SLFN12L: variants seen among roughly 807,000 people sequenced by gnomAD.
The protein encoded by SLFN12L is schlafen family member 12 like.
SLFN12L carries 34 observed loss-of-function variants against 34.8 expected under a neutral mutation model. The observed-to-expected ratio is 0.98, with a 90% CI of 0.74 to 1.30. The LOEUF is 1.30. SLFN12L is among the 50% of genes most tolerant of loss of function. SLFN12L has a pLI of 0.00. For missense variants in SLFN12L, 703 were observed against 696.2 expected (o/e 1.01, Z -0.11); for synonymous variants, 259 against 247.5 (o/e 1.05, Z -0.44).
At chr17:35,483,511 C>G (rs1309080579) in intron 2 of SLFN12L, among the ~76,000 whole-genome samples, 1 of 152,160 alleles carries the variant, frequency 6.6e-6, no homozygotes, top group Non-Finnish European at 1.5e-5. Context: ...CACCAGAATC[C>G]AATGATGCTG....
intron 2 of SLFN12L, among the ~76,000 whole-genome samples, chr17:35,501,598 T>G (rs1047844551): frequency 2.8e-4 from 42 of 152,290 alleles, no homozygotes; most frequent in African/African-American, 9.9e-4. Flanking sequence ...GGTGTGAGTG[T>G]GGTGTTTTGT....
Position 35,475,057 on chromosome 17 carries a change from T to C in SLFN12L, c.1705A>G (p.Thr569Ala). ...TCCAAGTCTTTCATTGTTTGAGCTG[T>C]TGTCCAATAGTAGGATTCAGGGTAA... The part of the protein sequence containing the change: ...VIYPESYYWT[T>A]AQTMKDLEKA... The change falls in exon 5 of 5, where the codon ACA becomes GCA. Residue 569 changes from threonine to alanine, a missense_variant. Coordinates refer to ENST00000628453, the MANE Select transcript of SLFN12L (RefSeq NM_001363830.2). 1.2e-6 allele frequency: 2 copies of C among 1,613,514 alleles called. No individual in the cohort carries two copies. The highest frequency in any genetic ancestry group is 8.5e-7 in the Non-Finnish European group (1 of 1,179,620).
At chr17:35,502,151 A>T (rs201317188) in intron 2 of SLFN12L, among the ~76,000 whole-genome samples, 15,693 of 152,084 alleles carry the variant, frequency 0.1, 861 homozygotes, top group East Asian at 0.21. Context: ...AAGCCAAGGT[A>T]AATTTAAAAC....
intron 2 of SLFN12L, among the ~76,000 whole-genome samples, chr17:35,482,408 C>A (rs1914379113): frequency 6.6e-6 from 1 of 152,230 alleles, no homozygotes; most frequent in Non-Finnish European, 1.5e-5. Context: ...TGCACACTTT[C>A]TGGAGCCCGT....
intron 2 of SLFN12L, among the ~76,000 whole-genome samples, chr17:35,481,858 T>C (rs138730417): frequency 0.011 from 1,641 of 152,270 alleles, 32 homozygotes; most frequent in African/African-American, 0.037. Context: ...TGTTTGTTTT[T>C]TGTTTTTGTT....
chr17:35,481,351 G>A (rs765202214), intron 2 of SLFN12L, among the ~76,000 whole-genome samples: 2 of 152,230 alleles, frequency 1.3e-5, no homozygotes, highest in Admixed American at 1.3e-4. Flanking sequence ...AGGCCTAACC[G>A]TCTCCCTGTG....
rs183585001 is a variant in SLFN12L at position 35,522,431 on chromosome 17, G to T, written c.-67C>A. 6.2e-7 allele frequency: 1 copy of T among 1,614,132 alleles called. No individual in the cohort carries two copies. Among genetic ancestry groups the T allele is most frequent in the Admixed American group, 1.7e-5 (1 of 60,018 alleles). On this transcript the variant is annotated 5_prime_UTR_variant, in exon 2 of 5. Transcript: ENST00000628453. ...CATGGACAAACAATTCTCTGTTCTT[G>T]TGGAAGCTTCTGGAGAATATCTCAT...
At chr17:35,534,651 C>T (rs1295779123) in intron 1 of SLFN12L, among the ~76,000 whole-genome samples, 2 of 151,578 alleles carry the variant, frequency 1.3e-5, no homozygotes, top group African/African-American at 4.9e-5. Flanking sequence ...GAATTCATGT[C>T]TATTATTTCA....
chr17:35,510,192 T>C (rs1915593781), intron 2 of SLFN12L: 1 of 152,188 alleles, frequency 6.6e-6, no homozygotes, highest in African/African-American at 2.4e-5. Flanking sequence ...CATAAATCAG[T>C]GGATACAATA....
intron 1 of SLFN12L, among the ~76,000 whole-genome samples, chr17:35,535,650 C>A (rs2072453609): frequency 6.6e-6 from 1 of 151,834 alleles, no homozygotes; most frequent in Non-Finnish European, 1.5e-5. Context: ...CCATGCCTGG[C>A]TAGCTTTTTT....
intron 2 of SLFN12L, among the ~76,000 whole-genome samples, chr17:35,508,138 T>C (rs1197218057): frequency 6.6e-6 from 1 of 152,198 alleles, no homozygotes; most frequent in Non-Finnish European, 1.5e-5. Context: ...TCCGTTCTGA[T>C]TACTGGTGCA....
chr17:35,475,495 G>A lies in SLFN12L; in HGVS notation c.1277-10C>T. 1.3e-6 allele frequency: 2 copies of A among 1,563,912 alleles called. No homozygotes were observed. ...ATCTTTTCTGATAGCCCTAGATGGG[G>A]AAATAATGATAAATTATAAAAGACT... On this transcript the variant is annotated splice_polypyrimidine_tract_variant and intron_variant, in intron 4 of 4. Transcript: ENST00000628453.
rs1913713550 is a variant in SLFN12L at position 35,465,888 on chromosome 17, G to A, written c.*9035C>T. 6.6e-6 allele frequency among the ~76,000 whole-genome samples: 1 copy of A among 151,620 alleles called. No individual in the cohort carries two copies. The highest frequency in any genetic ancestry group is 1.5e-5 in the Non-Finnish European group (1 of 67,950). ...ATTTCAACAGACTCCACTGTAGTTT[G>A]CCTCCATTGCTGAAGAGACACAATA... is the stretch of plus-strand genomic sequence containing the variant. On this transcript the variant is annotated 3_prime_UTR_variant, in exon 5 of 5. Coordinates refer to ENST00000628453, the MANE Select transcript of SLFN12L (RefSeq NM_001363830.2).
Position 35,480,019 on chromosome 17 carries a change from C to G in SLFN12L, c.263G>C (p.Arg88Pro). 6.2e-7 allele frequency: 1 copy of G among 1,614,164 alleles called. No individual in the cohort carries two copies. Among genetic ancestry groups the G allele is most frequent in the Non-Finnish European group, 8.5e-7 (1 of 1,180,032 alleles). Residue 88 changes from arginine to proline, a missense_variant, in exon 3 of 5, where the codon CGA becomes CCA. Physicochemically the swap from Arg to Pro is moderately radical, Grantham distance 103 (BLOSUM62 -2). Transcript: ENST00000628453. ...AGAATTCAGCAGAGCACACACAGCT[C>G]GTGAGACATTTTCATTCTGCTGTTT... is the stretch of plus-strand genomic sequence containing the variant. ...LRKQQNENVS[R>P]AVCALLNSGG...
At chr17:35,502,554 C>T (rs1338256439) in intron 2 of SLFN12L, among the ~76,000 whole-genome samples, 3 of 151,684 alleles carry the variant, frequency 2.0e-5, no homozygotes, top group African/African-American at 2.4e-5. Flanking sequence ...GGAGGAACTC[C>T]CTTCAGGACA....
intron 2 of SLFN12L, chr17:35,491,187 T>C: frequency 1.1e-6 from 1 of 923,372 alleles, no homozygotes; most frequent in Non-Finnish European, 1.7e-6. Flanking sequence ...GCGATCTCTT[T>C]GATGCCTATG....
intron 2 of SLFN12L, among the ~76,000 whole-genome samples, chr17:35,505,297 TGGA>T (rs1173824156): frequency 2.6e-5 from 4 of 152,192 alleles, no homozygotes; most frequent in African/African-American, 9.6e-5. Flanking sequence ...AAGTGGCAGA[TGGA>T]GTTTTGACCC....
chr17:35,495,054 A>G (rs994671181), intron 2 of SLFN12L, among the ~76,000 whole-genome samples: 3 of 151,900 alleles, frequency 2.0e-5, no homozygotes, highest in East Asian at 3.9e-4. Flanking sequence ...GCGCCCCACC[A>G]CACTGGCTCA....
intron 2 of SLFN12L, among the ~76,000 whole-genome samples, chr17:35,506,764 C>T (rs1479779676): frequency 9.2e-5 from 14 of 152,032 alleles, no homozygotes; most frequent in South Asian, 2.1e-4. Flanking sequence ...ATGGGAAGCC[C>T]GAGAATTAGT....
Sources: gnomAD v4.1 joint callset for allele counts (sites outside exome capture counted in the v4.1 genomes callset) on GRCh38, gnomAD v4.1.1 for gene constraint, MANE v1.5 for transcripts, NCBI Gene and HGNC (gene_info 2026-07-23, HGNC 2026-07-21) for gene names.